Variants in ACVR1B observed in about 807,000 individuals in gnomAD.
ACVR1B encodes activin receptor type-1B.
A neutral mutation model predicts 55.6 loss-of-function variants in ACVR1B; 15 were observed. That is an observed-to-expected ratio of 0.27 (90% CI 0.18 to 0.42). The LOEUF (loss-of-function observed/expected upper bound fraction) is 0.42. ACVR1B is among the 10% of genes least tolerant of loss of function. ACVR1B has a pLI of 1.00. For synonymous variants in ACVR1B, 247 were observed against 254.6 expected, an observed-to-expected ratio of 0.97 and a Z score of 0.28; for missense variants, 359 against 670.1, an observed-to-expected ratio of 0.54 and a Z score of 5.13.
chr12:51,985,313 T>C lies in ACVR1B; in HGVS notation c.1101T>C (p.Ile367=), dbSNP rs749339962. The C allele has an allele frequency of 1.9e-6, 3 of 1,613,458 alleles. No homozygotes were observed. The highest frequency in any genetic ancestry group is 1.1e-5 in the South Asian group (1 of 90,960). ...AVRHDAVTDT[I]DIAPNQRVGT... ...GTCATGATGCAGTCACTGACACCAT[T>C]GACATTGCCCCGAATCAGAGGGTGG... The change falls in exon 6 of 9, where the codon ATT becomes ATC. Residue 367 remains isoleucine (I), a synonymous_variant. Transcript: ENST00000257963.
Position 51,994,170 on chromosome 12 carries a change from G to A in ACVR1B, c.*60G>A, listed in dbSNP as rs911763049. 6 of 1,594,742 alleles carry A rather than the reference G, an allele frequency of 3.8e-6. No individual in the cohort carries two copies. Among genetic ancestry groups the A allele is most frequent in the Non-Finnish European group, 5.1e-6 (6 of 1,174,380 alleles). On this transcript the variant is annotated 3_prime_UTR_variant, in exon 9 of 9. Coordinates refer to ENST00000257963, the MANE Select transcript of ACVR1B (RefSeq NM_004302.5). This position sits in a 1 kb window ranked among gnomAD's most constrained non-coding sequence, Gnocchi z 4.2. ...GAGAACTACGCACAGCTGCCGCGTT[G>A]AGCGTACGATGGAGGCCTACCTCTC...
At position 51,995,739 on chromosome 12, in the gene ACVR1B, A is replaced by G. The variant is rs965533643; in HGVS notation, c.*1629A>G. The G allele has an allele frequency of 1.3e-5, 2 of 152,568 alleles. No individual in the cohort carries two copies. The highest frequency in any genetic ancestry group is 1.3e-4 in the Admixed American group (2 of 15,268). 9.5% of individuals were successfully genotyped at this position (152,568 alleles called of 1,614,324 possible). On this transcript the variant is annotated 3_prime_UTR_variant, in exon 9 of 9. Coordinates refer to ENST00000257963, the MANE Select transcript of ACVR1B (RefSeq NM_004302.5). Reference sequence around the variant, plus strand: ...CGCACATAGCTCAATCACACTGGAAATGTTTGTCCTTGCACCTGAGCCTGT... The same window carrying G: ...CGCACATAGCTCAATCACACTGGAAGTGTTTGTCCTTGCACCTGAGCCTGT...
chr12:51,992,091 T>TGA (rs1942203953), intron 8 of ACVR1B, 98 bp downstream of exon 8: 1 of 1,488,908 alleles, frequency 6.7e-7, no homozygotes, highest in Non-Finnish European at 9.3e-7. Flanking sequence ...AGGAGCCCCC[T>TGA]GAGAGTGTCA....
At chr12:51,975,636 C>A in intron 2 of ACVR1B, 132 bp downstream of exon 2, 1 of 1,285,882 alleles carries the variant, frequency 7.8e-7, no homozygotes. Flanking sequence ...CCGAAGGTGA[C>A]AAAGGCTGGG....
chr12:51,961,220 C>T (rs749908094), intron 1 of ACVR1B, among the ~76,000 whole-genome samples: 2 of 152,158 alleles, frequency 1.3e-5, no homozygotes, highest in East Asian at 1.9e-4. Context: ...AGAATTGGTG[C>T]GGGGAGCTGG....
In ACVR1B at chr12:51,994,058, G is replaced by A. The variant is rs757836305; in HGVS notation, c.1466G>A (p.Arg489His). Reference protein sequence around the residue: ...ANGAARLTALRIKKTLSQLSV... With the variant: ...ANGAARLTALHIKKTLSQLSV... ...GGCGCAGCCCGCCTGACGGCCCTGCGCATCAAGAAGACCCTCTCCCAGCTC... is the reference window on the plus strand; with the variant it reads ...GGCGCAGCCCGCCTGACGGCCCTGCACATCAAGAAGACCCTCTCCCAGCTC... The change falls in exon 9 of 9, where the codon CGC becomes CAC. Residue 489 changes from arginine (R) to histidine (H), a missense_variant. Coordinates refer to ENST00000257963, the MANE Select transcript of ACVR1B (RefSeq NM_004302.5). The surrounding 1 kb of genome is among the most constrained non-coding windows in gnomAD (Gnocchi z 4.2). 3 of 1,614,062 alleles carry A rather than the reference G, an allele frequency of 1.9e-6. No homozygotes were observed. Among genetic ancestry groups the A allele is most frequent in the South Asian group, 1.1e-5 (1 of 91,090 alleles).
rs1942252892 is a variant in ACVR1B at position 51,994,137 on chromosome 12, C to T, written c.*27C>T. On this transcript the variant is annotated 3_prime_UTR_variant, in exon 9 of 9. Coordinates refer to ENST00000257963, the MANE Select transcript of ACVR1B (RefSeq NM_004302.5). This position sits in a 1 kb window ranked among gnomAD's most constrained non-coding sequence, Gnocchi z 4.2. ...TGCTCCCTCTCTCCACACGGAGCTC[C>T]TGGCAGCGAGAACTACGCACAGCTG... is the stretch of plus-strand genomic sequence containing the variant. 1 of 1,610,304 alleles carries T rather than the reference C, an allele frequency of 6.2e-7. No homozygotes were observed. Among genetic ancestry groups the T allele is most frequent in the South Asian group, 1.1e-5 (1 of 91,050 alleles).
intron 1 of ACVR1B, among the ~76,000 whole-genome samples, chr12:51,969,754 T>C (rs1195570433): frequency 1.3e-5 from 2 of 152,076 alleles, no homozygotes; most frequent in Non-Finnish European, 2.9e-5. Flanking sequence ...CGTGGTGGGG[T>C]ATACTTGTAG....
chr12:51,958,729 G>A (rs894547121), intron 1 of ACVR1B, among the ~76,000 whole-genome samples: 2 of 152,048 alleles, frequency 1.3e-5, no homozygotes, highest in African/African-American at 4.8e-5. Context: ...TAGATGCCTC[G>A]CATGCGCGGT....
chr12:51,983,926 C>T (rs1942029383), intron 4 of ACVR1B, 73 bp from the exon 5 acceptor site: 2 of 1,525,036 alleles, frequency 1.3e-6, no homozygotes, highest in Admixed American at 1.7e-5. Context: ...GTTGTATACA[C>T]TCATCCTTAC....
intron 1 of ACVR1B, among the ~76,000 whole-genome samples, chr12:51,969,899 G>C (rs1281726229): frequency 1.3e-5 from 2 of 152,066 alleles, no homozygotes; most frequent in Admixed American, 6.6e-5. Context: ...CTGTCTCTAA[G>C]AAAATTTTTT....
Position 51,987,028 on chromosome 12 carries a change from A to G in ACVR1B, c.1261+86A>G, listed in dbSNP as rs764028533. On this transcript the variant is annotated intron_variant, in intron 7 of 8. Transcript: ENST00000257963. ...CTGTTTTACTGCCCCCTTTCTTTTT[A>G]CAACCTGTTGGATGCCTGTTGCCAG... 8.2e-6 allele frequency: 13 copies of G among 1,581,750 alleles called. No homozygotes were observed. In the African/African-American group the frequency reaches 1.6e-4, roughly 20 times the overall value.
At chr12:51,977,179 C>T (rs745711614) in intron 3 of ACVR1B, among the ~76,000 whole-genome samples, 3 of 152,198 alleles carry the variant, frequency 2.0e-5, no homozygotes, top group Non-Finnish European at 4.4e-5. Flanking sequence ...AACACTGGAC[C>T]TTGGCATAAG....
chr12:51,987,179 G>A lies in ACVR1B; in HGVS notation c.1261+237G>A, dbSNP rs1330528312. On this transcript the variant is annotated intron_variant, in intron 7 of 8. Transcript: ENST00000257963. ...GTTATGGTAACCATTCTGAAGGCTC[G>A]TTTGGCTTTATAAACAAACAAACAT... is the stretch of plus-strand genomic sequence containing the variant. 5.7e-6 allele frequency: 4 copies of A among 701,070 alleles called. No individual in the cohort carries two copies. The East Asian group carries it at 8.1e-5, about 14-fold the overall frequency. 43.4% of individuals were successfully genotyped at this position (701,070 alleles called of 1,614,324 possible).
chr12:51,974,273 G>A (rs115242603), intron 1 of ACVR1B, among the ~76,000 whole-genome samples: 1,904 of 152,304 alleles, frequency 0.013, 44 homozygotes, highest in African/African-American at 0.044. Flanking sequence ...TCAGAGCTAG[G>A]TTAGTCTCAT....
rs748150487 is a variant in ACVR1B, at chr12:51,994,002, G to A, written c.1410G>A (p.Gly470=). Residue 470 remains glycine, a synonymous_variant, in exon 9 of 9, where the codon GGG becomes GGA. Transcript: ENST00000257963. This position sits in a 1 kb window ranked among gnomAD's most constrained non-coding sequence, Gnocchi z 4.2. ...CTGCACAGGCACTGCGGGTGATGGG[G>A]AAGATGATGCGAGAGTGTTGGTATG... The part of the protein sequence containing the change: ...WQSYEALRVM[G]KMMRECWYAN... 9.3e-6 allele frequency: 15 copies of A among 1,614,076 alleles called. No individual in the cohort carries two copies. The highest frequency in any genetic ancestry group is 1.3e-5 in the Non-Finnish European group (15 of 1,180,020).
intron 1 of ACVR1B, among the ~76,000 whole-genome samples, chr12:51,956,198 T>C (rs1185953846): frequency 1.3e-5 from 2 of 152,228 alleles, no homozygotes; most frequent in African/African-American, 4.8e-5. Flanking sequence ...CTGGGCTTTT[T>C]GGTTTTCTTT....
Position 51,986,880 on chromosome 12 carries a change from G to C in ACVR1B, c.1199G>C (p.Cys400Ser). ...ATGAAACACTTTGACTCCTTTAAAT[G>C]TGCTGATATTTATGCCCTCGGGCTT... ...INMKHFDSFKCADIYALGLVY... is the reference protein window; with the variant it reads ...INMKHFDSFKSADIYALGLVY... The change falls in exon 7 of 9, where the codon TGT becomes TCT. Residue 400 changes from cysteine (C) to serine (S), a missense_variant. Cys to Ser is a moderately radical substitution (Grantham distance 112). Around this residue, in one of 5 missense-constraint regions of ACVR1B, gnomAD observed 119 missense variants for 340.2 expected, o/e 0.35. Transcript: ENST00000257963. The C allele has an allele frequency of 6.2e-7, 1 of 1,614,208 alleles. No individual in the cohort carries two copies. The highest frequency in any genetic ancestry group is 1.3e-5 in the African/African-American group (1 of 75,058).
At chr12:51,968,872 T>G (rs1941691548) in intron 1 of ACVR1B, among the ~76,000 whole-genome samples, 1 of 152,218 alleles carries the variant, frequency 6.6e-6, no homozygotes, top group South Asian at 2.1e-4. Context: ...GATTTCAGAT[T>G]TTCAGATTAG....
Sources: gnomAD v4.1 joint callset for allele counts (sites outside exome capture counted in the v4.1 genomes callset) on GRCh38, gnomAD v4.1.1 for gene constraint, gnomAD v4.1.1 regional missense constraint, Gnocchi (gnomAD v3.1) non-coding constraint, MANE v1.5 for transcripts, NCBI Gene and HGNC (gene_info 2026-07-23, HGNC 2026-07-21) for gene names.